Variants in SNTG1 observed in about 807,000 individuals in gnomAD.
SNTG1 encodes the protein syntrophin gamma 1.
Under a neutral mutation model 74.7 loss-of-function variants are expected in SNTG1, and 39 were observed. The ratio of observed to expected loss-of-function variants is 0.52; its 90% CI spans 0.40 to 0.68. The LOEUF (loss-of-function observed/expected upper bound fraction) is 0.68. Ranked by LOEUF, SNTG1 falls within the 30% of genes least tolerant of loss-of-function variation. The pLI, the probability that SNTG1 is intolerant of heterozygous loss-of-function variation, is 0.00. For synonymous variants in SNTG1, 254 were observed against 217.1 expected (o/e 1.17, Z -1.49); for missense variants, 685 against 609.5 (o/e 1.12, Z -1.30).
At chr8:49,956,416 C>T (rs577619421) in intron 1 of SNTG1, among the ~76,000 whole-genome samples, 38 of 152,274 alleles carry the variant, frequency 2.5e-4, no homozygotes, top group African/African-American at 8.7e-4. Context: ...GTGGTTCTAG[C>T]ATATCTCCTC....
intron 2 of SNTG1, among the ~76,000 whole-genome samples, chr8:50,390,112 C>G (rs7012871): frequency 0.69 from 102,699 of 149,714 alleles, 35,466 homozygotes; most frequent in East Asian, 0.84. Flanking sequence ...TCAATTTTGG[C>G]TTTTGTTGCC....
At chr8:49,941,811 C>A (rs995147969) in intron 1 of SNTG1, among the ~76,000 whole-genome samples, 1 of 152,128 alleles carries the variant, frequency 6.6e-6, no homozygotes, top group African/African-American at 2.4e-5. Flanking sequence ...GTTAATCTGT[C>A]TAGAAGGATA....
At chr8:50,205,853 G>A (rs1487659819) in intron 2 of SNTG1, among the ~76,000 whole-genome samples, 2 of 152,118 alleles carry the variant, frequency 1.3e-5, no homozygotes, top group African/African-American at 4.8e-5. Context: ...GTTTTTGTCA[G>A]GTTTGTCAAA....
At chr8:50,354,442 G>C (rs550816861) in intron 2 of SNTG1, among the ~76,000 whole-genome samples, 5 of 151,892 alleles carry the variant, frequency 3.3e-5, no homozygotes, top group South Asian at 4.2e-4. Flanking sequence ...TTTTGGTATG[G>C]GATAACATTT....
intron 17 of SNTG1, among the ~76,000 whole-genome samples, chr8:50,726,390 G>T (rs970283299): frequency 1.3e-5 from 2 of 152,142 alleles, no homozygotes; most frequent in African/African-American, 2.4e-5. Flanking sequence ...AACATAAAAC[G>T]AGACATGAAC....
At chr8:50,381,740 A>G (rs1432558431) in intron 2 of SNTG1, among the ~76,000 whole-genome samples, 1 of 140,788 alleles carries the variant, frequency 7.1e-6, no homozygotes, top group South Asian at 2.2e-4. Flanking sequence ...TATTAGTTAT[A>G]TATATATAGG....
chr8:50,381,246 AGAT>A (rs930504868), intron 2 of SNTG1, among the ~76,000 whole-genome samples: 20 of 152,092 alleles, frequency 1.3e-4, no homozygotes, highest in Admixed American at 1.3e-3. Context: ...AACTTATGCT[AGAT>A]AATGATTAAC....
At chr8:50,073,520 T>C (rs1259997312) in intron 1 of SNTG1, among the ~76,000 whole-genome samples, 1 of 152,188 alleles carries the variant, frequency 6.6e-6, no homozygotes, top group Non-Finnish European at 1.5e-5. Flanking sequence ...AATTTTGACC[T>C]CCTCTCATGA....
chr8:50,341,854 C>A (rs1256275158), intron 2 of SNTG1, among the ~76,000 whole-genome samples: 1 of 152,114 alleles, frequency 6.6e-6, no homozygotes, highest in Non-Finnish European at 1.5e-5. Flanking sequence ...TAATAACAAG[C>A]TAAATGCAGA....
chr8:50,704,498 T>C (rs1324587783), intron 15 of SNTG1, 102 bp from the exon 16 acceptor site: 3 of 1,452,542 alleles, frequency 2.1e-6, no homozygotes, highest in Admixed American at 3.4e-5. Context: ...CAGAGTGTTG[T>C]CTTTTTACCT....
intron 1 of SNTG1, among the ~76,000 whole-genome samples, chr8:49,965,017 G>C (rs1811019329): frequency 6.6e-6 from 1 of 152,182 alleles, no homozygotes; most frequent in African/African-American, 2.4e-5. Context: ...GAACAGGATA[G>C]AGCATGGGAT....
intron 1 of SNTG1, among the ~76,000 whole-genome samples, chr8:50,010,528 A>G (rs781187273): frequency 9.9e-5 from 15 of 152,122 alleles, no homozygotes; most frequent in South Asian, 4.1e-4. Flanking sequence ...TTACTAACAC[A>G]TATGGATGAA....
chr8:50,712,170 G>C (rs187795357), intron 17 of SNTG1, among the ~76,000 whole-genome samples: 47 of 152,288 alleles, frequency 3.1e-4, no homozygotes, highest in African/African-American at 1.1e-3. Flanking sequence ...CTTCACAGAC[G>C]TTTCCTTGAA....
chr8:50,480,458 A>C (rs945338935), intron 8 of SNTG1, among the ~76,000 whole-genome samples: 2 of 152,194 alleles, frequency 1.3e-5, no homozygotes, highest in African/African-American at 4.8e-5. Flanking sequence ...TGGTTTATTT[A>C]AATTTATTTT....
chr8:50,671,865 TA>T (rs1194035588), intron 15 of SNTG1, among the ~76,000 whole-genome samples: 2 of 151,710 alleles, frequency 1.3e-5, no homozygotes, highest in South Asian at 4.2e-4. Context: ...TATGCAGCCA[TA>T]AAAAATGATG....
intron 1 of SNTG1, among the ~76,000 whole-genome samples, chr8:49,959,158 G>A (rs990740257): frequency 1.3e-5 from 2 of 152,108 alleles, no homozygotes; most frequent in Non-Finnish European, 2.9e-5. Context: ...CATATTGCAA[G>A]CATTTTCTGA....
At chr8:50,672,427 AT>A (rs1290722093) in intron 15 of SNTG1, among the ~76,000 whole-genome samples, 1 of 152,154 alleles carries the variant, frequency 6.6e-6, no homozygotes, top group Non-Finnish European at 1.5e-5. Flanking sequence ...CATTTCTGTA[AT>A]GATCAGTGAT....
chr8:50,372,405 T>C (rs1644353898), intron 2 of SNTG1, among the ~76,000 whole-genome samples: 2 of 152,214 alleles, frequency 1.3e-5, no homozygotes, highest in South Asian at 4.1e-4. Context: ...TTCCTGTTTC[T>C]TGTCCCCATG....
chr8:49,981,344 G>C (rs1013598878), intron 1 of SNTG1, among the ~76,000 whole-genome samples: 1 of 152,158 alleles, frequency 6.6e-6, no homozygotes, highest in Non-Finnish European at 1.5e-5. Flanking sequence ...CAGAGCCTCA[G>C]TCTTCTAAGG....
Sources: gnomAD v4.1 joint callset for allele counts (sites outside exome capture counted in the v4.1 genomes callset) on GRCh38, gnomAD v4.1.1 for gene constraint, MANE v1.5 for transcripts, NCBI Gene and HGNC (gene_info 2026-07-23, HGNC 2026-07-21) for gene names.